TRIQK: variants seen among roughly 807,000 people sequenced by gnomAD.
TRIQK encodes triple QxxK/R motif containing.
A neutral mutation model predicts 10.8 loss-of-function variants in TRIQK; 10 were observed. The observed-to-expected ratio is 0.92, with a 90% CI of 0.57 to 1.57. The LOEUF is 1.57. TRIQK is among the 40% of genes most tolerant of loss of function. The pLI is 0.00. For missense variants in TRIQK, 107 were observed against 97.7 expected (o/e 1.09, Z -0.40); for synonymous variants, 33 against 33.7 (o/e 0.98, Z 0.07).
intron 1 of TRIQK, among the ~76,000 whole-genome samples, chr8:92,978,141 G>A (rs965743301): frequency 2.0e-5 from 3 of 152,044 alleles, no homozygotes; most frequent in African/African-American, 7.2e-5. Context: ...GTTGTCTCCT[G>A]TCTGACACCT....
At chr8:92,965,213 A>G (rs1812675333) in intron 1 of TRIQK, 1 of 152,158 alleles carries the variant, frequency 6.6e-6, no homozygotes, top group African/African-American at 2.4e-5. Context: ...TCCTCTAGCA[A>G]TAAATTGCTT....
At chr8:92,985,080 C>A (rs77542841) in intron 1 of TRIQK, among the ~76,000 whole-genome samples, 2 of 152,090 alleles carry the variant, frequency 1.3e-5, no homozygotes, top group South Asian at 4.1e-4. Flanking sequence ...AAATCTGATA[C>A]TATTATACGT....
At chr8:92,984,132 ATATAC>A (rs1348078692) in intron 1 of TRIQK, among the ~76,000 whole-genome samples, 1 of 152,120 alleles carries the variant, frequency 6.6e-6, no homozygotes, top group East Asian at 1.9e-4. Context: ...ATGGTTGAAA[ATATAC>A]TATAATACTG....
intron 3 of TRIQK, among the ~76,000 whole-genome samples, chr8:92,895,022 G>GGAGA (rs1402555213): frequency 6.6e-6 from 1 of 152,168 alleles, no homozygotes; most frequent in African/African-American, 2.4e-5. Flanking sequence ...ATCTGTAAGA[G>GGAGA]GAGAGTGGAT....
chr8:92,924,386 C>T (rs2130508500), intron 2 of TRIQK, among the ~76,000 whole-genome samples: 1 of 152,062 alleles, frequency 6.6e-6, no homozygotes, highest in African/African-American at 2.4e-5. Flanking sequence ...TCATGTGTTC[C>T]TTTCTCATGT....
At chr8:92,987,578 G>A (rs1198726045) in intron 1 of TRIQK, among the ~76,000 whole-genome samples, 1 of 152,048 alleles carries the variant, frequency 6.6e-6, no homozygotes, top group Admixed American at 6.5e-5. Flanking sequence ...TTAGTTTATT[G>A]GTGAGCTATT....
intron 1 of TRIQK, among the ~76,000 whole-genome samples, chr8:93,003,491 T>C (rs1813236591): frequency 6.6e-6 from 1 of 152,088 alleles, no homozygotes; most frequent in Non-Finnish European, 1.5e-5. Context: ...GCAATTACAA[T>C]TCAACATGAG....
At chr8:92,933,025 T>A (rs1268084661) in intron 2 of TRIQK, among the ~76,000 whole-genome samples, 2 of 152,054 alleles carry the variant, frequency 1.3e-5, no homozygotes, top group Non-Finnish European at 2.9e-5. Flanking sequence ...GTAGAGAATG[T>A]TTTTTAGAAA....
At chr8:92,917,169 T>C (rs1809906328) in intron 2 of TRIQK, among the ~76,000 whole-genome samples, 159 bp from the exon 3 acceptor site, 2 of 152,072 alleles carry the variant, frequency 1.3e-5, no homozygotes, top group African/African-American at 4.8e-5. Context: ...TTCTTTTAAA[T>C]AAATTATCAA....
chr8:92,965,089 T>A (rs894368173), intron 1 of TRIQK: 1 of 152,170 alleles, frequency 6.6e-6, no homozygotes, highest in African/African-American at 2.4e-5. Context: ...GAGGTTACCA[T>A]CTCACACCAT....
chr8:92,962,525 G>C (rs1812513520), intron 1 of TRIQK, among the ~76,000 whole-genome samples: 1 of 152,156 alleles, frequency 6.6e-6, no homozygotes, highest in African/African-American at 2.4e-5. Flanking sequence ...AAAGCCAGTA[G>C]TACTTCCTTT....
chr8:92,967,032 A>C (rs1411957471), upstream of TRIQK, among the ~76,000 whole-genome samples: 1 of 151,502 alleles, frequency 6.6e-6, no homozygotes, highest in Non-Finnish European at 1.5e-5. Flanking sequence ...ACTAACCAGA[A>C]GGCTTTCTGA....
chr8:92,896,311 T>C (rs1486542566), intron 3 of TRIQK, among the ~76,000 whole-genome samples: 1 of 152,170 alleles, frequency 6.6e-6, no homozygotes, highest in Non-Finnish European at 1.5e-5. Flanking sequence ...TCTGCAGACT[T>C]ACTGATTTCA....
chr8:93,013,468 G>T (rs1339173245), intron 1 of TRIQK, among the ~76,000 whole-genome samples: 1 of 152,100 alleles, frequency 6.6e-6, no homozygotes, highest in Non-Finnish European at 1.5e-5. Context: ...CAGAAGAGAG[G>T]TTGGGAGGGA....
At chr8:93,001,005 TC>T in intron 1 of TRIQK, among the ~76,000 whole-genome samples, 1 of 152,082 alleles carries the variant, frequency 6.6e-6, no homozygotes, top group Middle Eastern at 3.4e-3. Context: ...TGAATTAAAT[TC>T]TTCAATTAAA....
chr8:92,901,183 T>A (rs1472870984), intron 3 of TRIQK, among the ~76,000 whole-genome samples: 1 of 152,194 alleles, frequency 6.6e-6, no homozygotes, highest in East Asian at 1.9e-4. Context: ...TAAGACCATA[T>A]CATCTGCAAA....
intron 2 of TRIQK, among the ~76,000 whole-genome samples, chr8:92,930,433 A>G (rs1185114918): frequency 6.6e-6 from 1 of 150,420 alleles, no homozygotes; most frequent in Non-Finnish European, 1.5e-5. Context: ...ATAATATGAT[A>G]CCAAACAAAT....
intron 1 of TRIQK, among the ~76,000 whole-genome samples, chr8:92,996,447 C>T (rs1478883630): frequency 6.6e-6 from 1 of 151,936 alleles, no homozygotes; most frequent in Non-Finnish European, 1.5e-5. Context: ...TGTAATATCT[C>T]ATAGATTCTA....
At position 92,922,606 on chromosome 8, in the gene TRIQK, C is replaced by T. The variant is rs145174831; in HGVS notation, c.-21-5596G>A. The T allele has an allele frequency of 9.2e-5, 14 of 151,644 alleles. No individual in the cohort carries two copies. The East Asian group carries it at 2.5e-3, about 27-fold the overall frequency. 9.4% of individuals were successfully genotyped at this position (151,644 alleles called of 1,614,324 possible). On this transcript the variant is annotated intron_variant, in intron 2 of 4. Transcript: ENST00000521988. ...CAATACTTTATTCATTCACTACCTA[C>T]AGAAAATAAAAAAGTAAGAGGTTTA...
Sources: allele counts gnomAD v4.1 joint callset (sites outside exome capture counted in the v4.1 genomes callset), GRCh38; gene constraint gnomAD v4.1.1; transcripts MANE v1.5; gene names NCBI Gene and HGNC (gene_info 2026-07-23, HGNC 2026-07-21).